Variants in EEFSEC observed in about 807,000 individuals in gnomAD.
The protein encoded by EEFSEC is selenocysteine-specific elongation factor.
EEFSEC carries 43 observed loss-of-function variants against 42.1 expected under a neutral mutation model. The ratio of observed to expected loss-of-function variants is 1.02; its 90% CI spans 0.80 to 1.32. EEFSEC has a LOEUF of 1.32. Ranked by LOEUF, EEFSEC falls within the 40% of genes most tolerant of loss-of-function variation. EEFSEC has a pLI of 0.00. For missense variants in EEFSEC, 745 were observed against 803.6 expected (o/e 0.93, Z 0.88); for synonymous variants, 354 against 339.1 (o/e 1.04, Z -0.48).
chr3:128,391,312 T>C (rs1300373907), intron 6 of EEFSEC, among the ~76,000 whole-genome samples: 1 of 152,226 alleles, frequency 6.6e-6, no homozygotes, highest in Non-Finnish European at 1.5e-5. Context: ...CCCCAAGCTA[T>C]GGAGAGCTCT....
chr3:128,215,984 G>A (rs1010858587), intron 1 of EEFSEC, among the ~76,000 whole-genome samples: 1 of 152,136 alleles, frequency 6.6e-6, no homozygotes, highest in Non-Finnish European at 1.5e-5. Flanking sequence ...ACTGAGAAGG[G>A]GAGAGAGGCG....
the EEFSEC span, among the ~76,000 whole-genome samples, chr3:128,416,051 C>T: frequency 1.3e-5 from 2 of 152,316 alleles, no homozygotes; most frequent in South Asian, 2.1e-4. Flanking sequence ...GACCAGGCTG[C>T]GGCCCAGCCC....
chr3:128,293,337 C>T (rs1008617030), intron 4 of EEFSEC, among the ~76,000 whole-genome samples: 2 of 152,154 alleles, frequency 1.3e-5, no homozygotes, highest in Non-Finnish European at 2.9e-5. Context: ...CCTATAAGGA[C>T]ATCCTCTCCT....
In EEFSEC at chr3:128,389,041, G is replaced by A. The variant is rs143318338; in HGVS notation, c.1601-19028G>A. On this transcript the variant is annotated intron_variant, in intron 6 of 6. Coordinates refer to ENST00000254730, the MANE Select transcript of EEFSEC (RefSeq NM_021937.5). ...GGGGCCACCACCTGAAGGGCAGTCT[G>A]TAGGGCAGGAGTTCCAGGCAAGGGA... 5.4e-3 allele frequency among the ~76,000 whole-genome samples: 826 copies of A among 152,324 alleles called. 10 individuals are homozygous for A. Among genetic ancestry groups the A allele is most frequent in the African/African-American group, 0.019 (790 of 41,576 alleles).
In EEFSEC at chr3:128,317,067, T is replaced by A. The variant is rs2066954295; in HGVS notation, c.787-24166T>A. Among the ~76,000 whole-genome samples the A allele has an allele frequency of 6.6e-6, 1 of 152,068 alleles. No individual in the cohort carries two copies. The highest frequency in any genetic ancestry group is 1.5e-5 in the Non-Finnish European group (1 of 68,016). On this transcript the variant is annotated intron_variant, in intron 4 of 6. Transcript: ENST00000254730. This position sits in a 1 kb window ranked among gnomAD's most constrained non-coding sequence, Gnocchi z 4.1. Reference sequence around the variant, plus strand: ...TTGATGTGCAAGAGCACATCTGGGGTCTTAAAGAAAGCAGAAAGAAAAATA... The same window carrying A: ...TTGATGTGCAAGAGCACATCTGGGGACTTAAAGAAAGCAGAAAGAAAAATA...
At chr3:128,185,543 C>A (rs116235379) in intron 1 of EEFSEC, among the ~76,000 whole-genome samples, 91 of 151,788 alleles carry the variant, frequency 6.0e-4, no homozygotes, top group African/African-American at 2.2e-3. Context: ...CCTTTCGTGT[C>A]TGGCTTCTTT....
At chr3:128,378,739 C>G (rs920027202) in intron 6 of EEFSEC, among the ~76,000 whole-genome samples, 9 of 152,302 alleles carry the variant, frequency 5.9e-5, no homozygotes, top group Middle Eastern at 3.4e-3. Flanking sequence ...CAGCTGCAGG[C>G]CAGCCTGACT....
intron 6 of EEFSEC, 93 bp downstream of exon 6, chr3:128,358,466 G>A (rs1390535804): frequency 1.9e-6 from 3 of 1,538,590 alleles, no homozygotes; most frequent in East Asian, 2.3e-5. Context: ...CTTGGCTTAG[G>A]TTCCTAATCC....
chr3:128,357,747 G>A (rs1453626337), intron 5 of EEFSEC, among the ~76,000 whole-genome samples: 2 of 152,026 alleles, frequency 1.3e-5, no homozygotes, highest in East Asian at 3.9e-4. Context: ...ACAGCTTCAA[G>A]GAGAGTGCTC....
At position 128,408,316 on chromosome 3, in the gene EEFSEC, C is replaced by A; in HGVS notation, c.*57C>A. On this transcript the variant is annotated 3_prime_UTR_variant, in exon 7 of 7. Coordinates refer to ENST00000254730, the MANE Select transcript of EEFSEC (RefSeq NM_021937.5). ...CCCAGCCCAGTCCAGGCTGCTGTGC[C>A]AAATCCCAACCAGCCACGCCTCAGC... 6.8e-7 allele frequency: 1 copy of A among 1,472,106 alleles called. No individual in the cohort carries two copies. The highest frequency in any genetic ancestry group is 9.1e-7 in the Non-Finnish European group (1 of 1,100,932). 91.2% of individuals were successfully genotyped at this position (1,472,106 alleles called of 1,614,324 possible).
intron 1 of EEFSEC, among the ~76,000 whole-genome samples, chr3:128,197,095 A>G (rs544704590): frequency 6.6e-6 from 1 of 152,202 alleles, no homozygotes; most frequent in East Asian, 1.9e-4. Context: ...TCGTTTTTGC[A>G]GTAAGGCAGA....
At chr3:128,159,553 G>C (rs746355854) in intron 1 of EEFSEC, among the ~76,000 whole-genome samples, 10 of 152,114 alleles carry the variant, frequency 6.6e-5, no homozygotes, top group Non-Finnish European at 1.3e-4. Context: ...ATTGTGCTTG[G>C]AGTAAAATCC....
At chr3:128,401,340 C>T (rs2068046036) in intron 6 of EEFSEC, among the ~76,000 whole-genome samples, 1 of 152,214 alleles carries the variant, frequency 6.6e-6, no homozygotes, top group African/African-American at 2.4e-5. Context: ...ATACTCATTC[C>T]CTTTGTTTTC....
intron 4 of EEFSEC, among the ~76,000 whole-genome samples, chr3:128,300,068 C>T (rs188232817): frequency 6.6e-6 from 1 of 152,298 alleles, no homozygotes; most frequent in Admixed American, 6.5e-5. Flanking sequence ...AGCTCCCCGG[C>T]AGAGCAGACC....
At chr3:128,226,981 C>T (rs1008465601) in intron 1 of EEFSEC, among the ~76,000 whole-genome samples, 2 of 152,196 alleles carry the variant, frequency 1.3e-5, no homozygotes, top group African/African-American at 4.8e-5. Flanking sequence ...TGCCTGTCGC[C>T]TCCACCAGGG....
intron 4 of EEFSEC, among the ~76,000 whole-genome samples, chr3:128,315,180 C>G (rs149143334): frequency 7.4e-4 from 113 of 152,326 alleles, no homozygotes; most frequent in African/African-American, 2.4e-3. Context: ...TTAATTTTCT[C>G]AGCAGTAAAG....
the EEFSEC span, among the ~76,000 whole-genome samples, chr3:128,420,251 T>C: frequency 3.3e-5 from 5 of 152,242 alleles, no homozygotes; most frequent in African/African-American, 1.2e-4. Context: ...TTAAAGCCCA[T>C]AATTGATTCC....
chr3:128,252,199 T>C (rs1020474166), intron 2 of EEFSEC, among the ~76,000 whole-genome samples: 1 of 152,242 alleles, frequency 6.6e-6, no homozygotes, highest in Non-Finnish European at 1.5e-5. Flanking sequence ...AGGGACTCCA[T>C]TGATCCTGCC....
intron 1 of EEFSEC, among the ~76,000 whole-genome samples, chr3:128,207,035 G>C (rs140656215): frequency 1.1e-3 from 173 of 152,288 alleles, no homozygotes; most frequent in South Asian, 0.01. Context: ...CAAGAAAATT[G>C]CATCTTTGGA....
Sources: gnomAD v4.1 joint callset for allele counts (sites outside exome capture counted in the v4.1 genomes callset) on GRCh38, gnomAD v4.1.1 for gene constraint, Gnocchi (gnomAD v3.1) non-coding constraint, MANE v1.5 for transcripts, NCBI Gene and HGNC (gene_info 2026-07-23, HGNC 2026-07-21) for gene names.